Variants in CALD1 observed in about 807,000 individuals in gnomAD.
CALD1 encodes the protein caldesmon 1, also known as caldesmon.
A neutral mutation model predicts 99.9 loss-of-function variants in CALD1; 33 were observed. The ratio of observed to expected loss-of-function variants is 0.33; its 90% CI spans 0.25 to 0.44. The LOEUF (loss-of-function observed/expected upper bound fraction) is 0.44. Among genes scored for constraint, CALD1 ranks in the 20% least tolerant of loss-of-function variants. The probability of loss-of-function intolerance (pLI) is 1.00; values close to 1 mark genes in which losing one functional copy is unlikely to be tolerated. For synonymous variants in CALD1, 310 were observed against 325.0 expected (o/e 0.95, Z 0.50); for missense variants, 861 against 962.1 (o/e 0.89, Z 1.39).
chr7:134,831,634 T>C (rs1184098423), intron 1 of CALD1, among the ~76,000 whole-genome samples: 3 of 152,198 alleles, frequency 2.0e-5, no homozygotes, highest in Non-Finnish European at 2.9e-5. Flanking sequence ...ATAATTTCTG[T>C]ATTTTCTATA....
intron 7 of CALD1, among the ~76,000 whole-genome samples, chr7:134,947,280 G>A (rs953108801): frequency 6.6e-6 from 1 of 152,112 alleles, no homozygotes; most frequent in African/African-American, 2.4e-5. Context: ...ATTTTACAGT[G>A]CATATTTGTC....
At chr7:134,721,337 A>T in the CALD1 span, among the ~76,000 whole-genome samples, 1 of 151,954 alleles carries the variant, frequency 6.6e-6, no homozygotes, top group South Asian at 2.1e-4. Context: ...TGCAAAAAAA[A>T]AAAAAAAAAG....
Position 134,934,071 on chromosome 7 carries a change from G to A in CALD1, c.1302G>A (p.Lys434=). 6.2e-7 allele frequency: 1 copy of A among 1,607,094 alleles called. No individual in the cohort carries two copies. Among genetic ancestry groups the A allele is most frequent in the Non-Finnish European group, 8.5e-7 (1 of 1,177,798 alleles). ...ATAAACTTCAGACAGCTGTCCTAAA[G>A]AAACAGGTACAGTAAACATTTTGCA... ...QEDKLQTAVL[K]KQGEEKGTKV... The change falls in exon 5 of 15, where the codon AAG becomes AAA. Residue 434 remains lysine (K), a synonymous_variant. Coordinates refer to ENST00000361675, the MANE Select transcript of CALD1 (RefSeq NM_033138.4).
chr7:134,855,757 C>T (rs1800271739), intron 2 of CALD1, among the ~76,000 whole-genome samples: 1 of 152,142 alleles, frequency 6.6e-6, no homozygotes, highest in Non-Finnish European at 1.5e-5. Context: ...GTGTGGACAG[C>T]TTTTGTTTAA....
upstream of CALD1, among the ~76,000 whole-genome samples, chr7:134,776,026 T>C (rs1254664045): frequency 6.6e-6 from 1 of 152,328 alleles, no homozygotes; most frequent in South Asian, 2.1e-4. Context: ...GCTCTTCTAT[T>C]AGTTCCAATA....
rs1006653827 is a variant in CALD1, at chr7:134,969,279, T to G, written c.*934T>G. 1.3e-5 allele frequency: 2 copies of G among 152,224 alleles called. No individual in the cohort carries two copies. The highest frequency in any genetic ancestry group is 1.5e-5 in the Non-Finnish European group (1 of 68,038). 9.4% of individuals were successfully genotyped at this position (152,224 alleles called of 1,614,324 possible). A position where few individuals can be genotyped will look rare whatever the true frequency, so the allele number is the denominator to read the frequency against. On this transcript the variant is annotated 3_prime_UTR_variant, in exon 15 of 15. Transcript: ENST00000361675. ...TTGAAAAGAAGAGAGATTAGAACTGTTAGAAGGAGTTGAAATTTTCTAAAA... is the reference window on the plus strand; with the variant it reads ...TTGAAAAGAAGAGAGATTAGAACTGGTAGAAGGAGTTGAAATTTTCTAAAA...
rs781188054 is a variant in CALD1, at chr7:134,968,505, A to C, written c.*160A>C. Reference sequence around the variant, plus strand: ...CCCATGTATATTATCACTATATTTAATAATCACAGTCTAGAGATGTTCATG... The same window carrying C: ...CCCATGTATATTATCACTATATTTACTAATCACAGTCTAGAGATGTTCATG... On this transcript the variant is annotated 3_prime_UTR_variant, in exon 15 of 15. Coordinates refer to ENST00000361675, the MANE Select transcript of CALD1 (RefSeq NM_033138.4). The C allele has an allele frequency of 2.7e-6, 2 of 729,510 alleles. No homozygotes were observed. Among genetic ancestry groups the C allele is most frequent in the Non-Finnish European group, 5.0e-6 (2 of 398,032 alleles). 45.2% of individuals were successfully genotyped at this position (729,510 alleles called of 1,614,324 possible). A position where few individuals can be genotyped will look rare whatever the true frequency, so the allele number is the denominator to read the frequency against.
rs1278706289 is a variant in CALD1, at chr7:134,940,456, C to G, written c.1387-636C>G. ...GTAAACCCTGGAATTTTTCCTATTC[C>G]ATTCTAACTTTAATGGTTTAGATGA... is the stretch of plus-strand genomic sequence containing the variant. On this transcript the variant is annotated intron_variant, in intron 6 of 14. Transcript: ENST00000361675. Among the ~76,000 whole-genome samples, 18 of 152,126 alleles carry G rather than the reference C, an allele frequency of 1.2e-4. No individual in the cohort carries two copies. In the East Asian group the frequency reaches 3.1e-3, roughly 26 times the overall value.
the CALD1 span, among the ~76,000 whole-genome samples, chr7:134,718,419 T>G: frequency 6.6e-6 from 1 of 152,192 alleles, no homozygotes; most frequent in African/African-American, 2.4e-5. Context: ...CTGTGGTGGT[T>G]AAGCTGGGAT....
intron 1 of CALD1, among the ~76,000 whole-genome samples, chr7:134,765,314 G>A (rs771007262): frequency 1.5e-4 from 22 of 145,688 alleles, no homozygotes; most frequent in African/African-American, 3.7e-4. Flanking sequence ...ACTCCGTCTC[G>A]GAAAAAAAAA....
intron 2 of CALD1, among the ~76,000 whole-genome samples, chr7:134,855,056 G>T (rs1254711824): frequency 6.6e-6 from 1 of 152,176 alleles, no homozygotes; most frequent in Admixed American, 6.5e-5. Flanking sequence ...ATGATTGAAA[G>T]TCTCCTGAGG....
chr7:134,944,194 C>T (rs1258836070), intron 7 of CALD1, among the ~76,000 whole-genome samples: 1 of 152,140 alleles, frequency 6.6e-6, no homozygotes. Flanking sequence ...ACCCTTTAAC[C>T]TTGTTTGAGT....
chr7:134,743,294 A>G (rs147552553), upstream of CALD1, among the ~76,000 whole-genome samples: 520 of 152,354 alleles, frequency 3.4e-3, 3 homozygotes, highest in Admixed American at 7.2e-3. Flanking sequence ...AAGCACAAAA[A>G]TGAAAAACAA....
Position 134,968,843 on chromosome 7 carries a change from C to A in CALD1, c.*498C>A. ...AACCCATTTCAGATTTGAAATACTG[C>A]AATAATGGTTGTCTTTAAAAAAAAA... On this transcript the variant is annotated 3_prime_UTR_variant, in exon 15 of 15. Transcript: ENST00000361675. 3 of 180,810 alleles carry A rather than the reference C, an allele frequency of 1.7e-5. No individual in the cohort carries two copies. The highest frequency in any genetic ancestry group is 2.4e-5 in the Non-Finnish European group (2 of 83,342). 11.2% of individuals were successfully genotyped at this position (180,810 alleles called of 1,614,324 possible). A position where few individuals can be genotyped will look rare whatever the true frequency, so the allele number is the denominator to read the frequency against.
intron 3 of CALD1, among the ~76,000 whole-genome samples, chr7:134,906,111 G>A (rs956559285): frequency 1.3e-5 from 2 of 151,252 alleles, no homozygotes; most frequent in African/African-American, 4.9e-5. Context: ...TGTATTGTTA[G>A]TAGAGACAGG....
At chr7:134,747,136 A>T (rs1796641515) in intron 1 of CALD1, among the ~76,000 whole-genome samples, 2 of 152,230 alleles carry the variant, frequency 1.3e-5, no homozygotes, top group Admixed American at 1.3e-4. Flanking sequence ...TTGTCATCTC[A>T]ATGGAAGCCA....
At chr7:134,891,782 G>A in intron 3 of CALD1, 2 of 813,308 alleles carry the variant, frequency 2.5e-6, no homozygotes, top group Non-Finnish European at 1.8e-6. Flanking sequence ...GGGAGTGGGA[G>A]GGGAGAGGAG....
chr7:134,934,938 T>C (rs1301915471), intron 5 of CALD1, among the ~76,000 whole-genome samples: 2 of 151,340 alleles, frequency 1.3e-5, no homozygotes, highest in African/African-American at 4.9e-5. Context: ...AATTAACTGG[T>C]AATAAAGAGG....
intron 1 of CALD1, among the ~76,000 whole-genome samples, chr7:134,761,747 A>C (rs1019629418): frequency 2.0e-5 from 3 of 152,226 alleles, no homozygotes; most frequent in Non-Finnish European, 4.4e-5. Context: ...AGTGAACATT[A>C]TAACATTTGC....
Sources: allele counts gnomAD v4.1 joint callset (sites outside exome capture counted in the v4.1 genomes callset), GRCh38; gene constraint gnomAD v4.1.1; transcripts MANE v1.5; gene names NCBI Gene and HGNC (gene_info 2026-07-23, HGNC 2026-07-21).